Variants in PCSK6 observed in about 807,000 individuals in gnomAD.
The protein encoded by PCSK6 is paired basic amino acid cleaving enzyme 4.
PCSK6 carries 85 observed loss-of-function variants against 123.3 expected under a neutral mutation model. That is an observed-to-expected ratio of 0.69 (90% CI 0.58 to 0.83). The LOEUF is 0.83. Ranked by LOEUF, PCSK6 falls within the 40% of genes least tolerant of loss-of-function variation. The pLI is 0.00. For synonymous variants in PCSK6, 508 were observed against 516.0 expected, an observed-to-expected ratio of 0.98 and a Z score of 0.21; for missense variants, 1,191 against 1,282.3, an observed-to-expected ratio of 0.93 and a Z score of 1.09.
rs1205321973 is a variant in PCSK6, at chr15:101,468,659, G to A, written c.297+20715C>T. Among the ~76,000 whole-genome samples the A allele has an allele frequency of 2.0e-5, 3 of 152,204 alleles. No individual in the cohort carries two copies. The South Asian group carries it at 6.2e-4, about 32-fold the overall frequency. On this transcript the variant is annotated intron_variant, in intron 1 of 21. Coordinates refer to ENST00000611716, the MANE Select transcript of PCSK6 (RefSeq NM_002570.5). ...CCATCCCAGGCAAAATGTCCATGAA[G>A]GAGACAGCAGTTGGTACTAATAACT... is the stretch of plus-strand genomic sequence containing the variant.
At chr15:101,465,809 T>TA (rs1049434552) in intron 1 of PCSK6, among the ~76,000 whole-genome samples, 1 of 152,064 alleles carries the variant, frequency 6.6e-6, no homozygotes, top group South Asian at 2.1e-4. Flanking sequence ...AGGAAACCAC[T>TA]AAAAAAATTT....
intron 2 of PCSK6, among the ~76,000 whole-genome samples, chr15:101,443,069 C>A (rs1325208269): frequency 6.6e-6 from 1 of 152,184 alleles, no homozygotes; most frequent in African/African-American, 2.4e-5. Context: ...TAATTAACCA[C>A]CCAATAAATA....
At chr15:101,451,404 G>A (rs1043002528) in intron 1 of PCSK6, among the ~76,000 whole-genome samples, 3 of 152,076 alleles carry the variant, frequency 2.0e-5, no homozygotes, top group African/African-American at 4.8e-5. Flanking sequence ...TCGGCTAAGC[G>A]CATACTTTGG....
chr15:101,362,017 C>T lies in PCSK6; in HGVS notation c.1858+4179G>A, dbSNP rs556541176. Among the ~76,000 whole-genome samples the T allele has an allele frequency of 6.9e-5, 9 of 130,970 alleles. No homozygotes were observed. The East Asian group carries it at 7.4e-4, about 11-fold the overall frequency. The allele number at this position is 130,970 out of a possible 152,430, so 85.9% of individuals were successfully genotyped here. A position where few individuals can be genotyped will look rare whatever the true frequency, so the allele number is the denominator to read the frequency against. ...TATCATCCAGGCTGGAGTGCAGTGGCGCAATCTCAGCTCACTGCAAGCTCC... is the reference window on the plus strand; with the variant it reads ...TATCATCCAGGCTGGAGTGCAGTGGTGCAATCTCAGCTCACTGCAAGCTCC... On this transcript the variant is annotated intron_variant, in intron 13 of 21. Coordinates refer to ENST00000611716, the MANE Select transcript of PCSK6 (RefSeq NM_002570.5).
At position 101,389,570 on chromosome 15, in the gene PCSK6, G is replaced by A. The variant is rs764353993; in HGVS notation, c.1210-6C>T. On this transcript the variant is annotated splice_region_variant and splice_polypyrimidine_tract_variant and intron_variant, in intron 8 of 21. Transcript: ENST00000611716. ...TGACGCAGATCCGTGGTGACCTGGG[G>A]GAGAGAGAAGCACAGTGAGGCAGTG... The A allele has an allele frequency of 1.1e-5, 18 of 1,606,768 alleles. No homozygotes were observed. In the East Asian group the frequency reaches 4.0e-4, roughly 36 times the overall value.
intron 6 of PCSK6, among the ~76,000 whole-genome samples, chr15:101,409,191 C>T (rs886374462): frequency 2.0e-5 from 3 of 152,210 alleles, no homozygotes; most frequent in African/African-American, 7.2e-5. Flanking sequence ...AGCGCGGGGG[C>T]TCATGCCTGT....
intron 1 of PCSK6, among the ~76,000 whole-genome samples, chr15:101,450,682 C>A (rs2057011344): frequency 1.3e-5 from 2 of 152,160 alleles, no homozygotes; most frequent in Non-Finnish European, 2.9e-5. Flanking sequence ...TCCAGCTGTC[C>A]AGTGAGGCCC....
intron 13 of PCSK6, among the ~76,000 whole-genome samples, chr15:101,337,747 G>A (rs899527995): frequency 2.6e-5 from 4 of 152,214 alleles, no homozygotes; most frequent in Non-Finnish European, 5.9e-5. Context: ...TGGTGCATTA[G>A]CTTCAGTGTG....
intron 6 of PCSK6, among the ~76,000 whole-genome samples, chr15:101,416,065 C>CT (rs2141073403): frequency 6.6e-6 from 1 of 152,292 alleles, no homozygotes; most frequent in East Asian, 1.9e-4. Flanking sequence ...CAGGCAGAGG[C>CT]TGGAACAGTT....
chr15:101,457,424 C>T (rs1220466274), intron 1 of PCSK6, among the ~76,000 whole-genome samples: 6 of 152,186 alleles, frequency 3.9e-5, no homozygotes, highest in East Asian at 1.9e-4. Context: ...GCTCGGCTCA[C>T]GGCCTGGCAC....
intron 1 of PCSK6, among the ~76,000 whole-genome samples, chr15:101,455,368 C>T (rs1226873803): frequency 6.6e-6 from 1 of 152,232 alleles, no homozygotes; most frequent in African/African-American, 2.4e-5. Flanking sequence ...GAAAGCGCTT[C>T]CCATCCTTGG....
chr15:101,348,486 C>T (rs1596212386), intron 13 of PCSK6, among the ~76,000 whole-genome samples: 4 of 152,356 alleles, frequency 2.6e-5, no homozygotes, highest in Admixed American at 2.6e-4. Context: ...TATAGCAGCA[C>T]CTTCGTGAGA....
intron 13 of PCSK6, among the ~76,000 whole-genome samples, chr15:101,338,154 A>T (rs1450507020): frequency 6.6e-6 from 1 of 152,188 alleles, no homozygotes. Flanking sequence ...ACCACAGGCC[A>T]CCTGGGCAAA....
chr15:101,418,582 G>A (rs936647788), intron 6 of PCSK6, among the ~76,000 whole-genome samples: 1 of 147,532 alleles, frequency 6.8e-6, no homozygotes, highest in Admixed American at 6.8e-5. Context: ...GTGTCATCTC[G>A]ACTCACTGCA....
intron 9 of PCSK6, among the ~76,000 whole-genome samples, chr15:101,387,624 G>A (rs2042102830): frequency 1.8e-5 from 1 of 55,466 alleles, no homozygotes; most frequent in African/African-American, 4.7e-5. Context: ...TACCAAGACT[G>A]TCCCAAAACC....
At position 101,489,468 on chromosome 15, in the gene PCSK6, G is replaced by C. The variant is rs1596196466; in HGVS notation, c.203C>G (p.Pro68Arg). 3 of 1,109,090 alleles carry C rather than the reference G, an allele frequency of 2.7e-6. No individual in the cohort carries two copies. The highest frequency in any genetic ancestry group is 2.2e-6 in the Non-Finnish European group (2 of 909,042). The allele number at this position is 1,109,090 out of a possible 1,614,324, so 68.7% of individuals were successfully genotyped here. A position where few individuals can be genotyped will look rare whatever the true frequency, so the allele number is the denominator to read the frequency against. Residue 68 changes from proline to arginine, a missense_variant, in exon 1 of 22, where the codon CCC becomes CGC. This residue lies in a region of PCSK6 where 204 missense variants were observed against 166.4 expected (regional missense o/e 1.23). Coordinates refer to ENST00000611716, the MANE Select transcript of PCSK6 (RefSeq NM_002570.5). ...PAACSAPPPR[P>R]VYTNHWAVQV... ...CACCGCCCAGTGGTTGGTGTAGACG[G>C]GGCGCGGCGGGGGCGCGGAGCAGGC...
chr15:101,382,647 C>T (rs2041943058), intron 10 of PCSK6, among the ~76,000 whole-genome samples: 1 of 152,178 alleles, frequency 6.6e-6, no homozygotes, highest in Non-Finnish European at 1.5e-5. Flanking sequence ...CAAGGCTGTA[C>T]TCATCTTTTT....
intron 13 of PCSK6, among the ~76,000 whole-genome samples, chr15:101,341,229 G>A (rs1258635243): frequency 2.1e-5 from 3 of 145,586 alleles, no homozygotes; most frequent in East Asian, 2.1e-4. Context: ...GCCGCACCGC[G>A]CCTGGCCAAA....
chr15:101,359,508 C>T (rs985119181), intron 13 of PCSK6, among the ~76,000 whole-genome samples: 6 of 152,246 alleles, frequency 3.9e-5, no homozygotes, highest in Admixed American at 3.9e-4. Flanking sequence ...CCGCCAACAC[C>T]TATTGGGCAC....
Sources: gnomAD v4.1 joint callset for allele counts (sites outside exome capture counted in the v4.1 genomes callset) on GRCh38, gnomAD v4.1.1 for gene constraint, gnomAD v4.1.1 regional missense constraint, MANE v1.5 for transcripts, NCBI Gene and HGNC (gene_info 2026-07-23, HGNC 2026-07-21) for gene names.